Variants in HNRNPL observed in about 807,000 individuals in gnomAD.
The protein encoded by HNRNPL is heterogeneous nuclear ribonucleoprotein L.
Under a neutral mutation model 64.0 loss-of-function variants are expected in HNRNPL, and 12 were observed. The ratio of observed to expected loss-of-function variants is 0.19; its 90% CI spans 0.12 to 0.30. The LOEUF (loss-of-function observed/expected upper bound fraction) is 0.30. Ranked by LOEUF, HNRNPL falls within the 10% of genes least tolerant of loss-of-function variation. The probability of loss-of-function intolerance (pLI) is 1.00; values close to 1 mark genes in which losing one functional copy is unlikely to be tolerated. For missense variants in HNRNPL, 484 were observed against 797.4 expected (o/e 0.61, Z 4.73); for synonymous variants, 385 against 313.0 (o/e 1.23, Z -2.43).
chr19:38,843,815 T>G, intron 6 of HNRNPL, 27 bp downstream of exon 6: 1 of 1,593,668 alleles, frequency 6.3e-7, no homozygotes, highest in Non-Finnish European at 8.6e-7. Context: ...GCGGGTATGT[T>G]TAGAACAAAG....
At chr19:38,845,776 G>T (rs375843560) in intron 3 of HNRNPL, 41 bp from the exon 4 acceptor site, 13 of 1,599,148 alleles carry the variant, frequency 8.1e-6, no homozygotes, top group Non-Finnish European at 1.1e-5. Context: ...GGCACTGGCA[G>T]ATCAGTCTGG....
Position 38,843,860 on chromosome 19 carries a change from G to A in HNRNPL, c.862C>T (p.Pro288Ser). Reference protein sequence around the residue: ...NDQDTWDYTNPNLSGQGDPGS... With the variant: ...NDQDTWDYTNSNLSGQGDPGS... ...AGATTACCTTGTCCACTGAGATTGG[G>A]GTTTGTGTAGTCCCAAGTATCCTGA... Residue 288 changes from proline to serine, a missense_variant, in exon 6 of 13, where the codon CCC (proline) becomes TCC (serine). Physicochemically the swap from Pro to Ser is moderately conservative, Grantham distance 74. Transcript: ENST00000221419. 1.9e-6 allele frequency: 3 copies of A among 1,613,958 alleles called. No homozygotes were observed. The highest frequency in any genetic ancestry group is 2.5e-6 in the Non-Finnish European group (3 of 1,179,818).
chr19:38,841,841 G>A, intron 6 of HNRNPL: 1 of 390,954 alleles, frequency 2.6e-6, no homozygotes, highest in Non-Finnish European at 5.1e-6. Flanking sequence ...AAATAAAGGT[G>A]TATGAAGTGG....
intron 8 of HNRNPL, 195 bp from the exon 9 acceptor site, chr19:38,839,210 T>A: frequency 1.6e-6 from 1 of 609,980 alleles, no homozygotes; most frequent in South Asian, 2.0e-5. Context: ...GGCCATGTTT[T>A]TAACTGTGGG....
At chr19:38,850,775 C>T (rs1319609276), upstream of HNRNPL, among the ~76,000 whole-genome samples, 1 of 152,192 alleles carries the variant, frequency 6.6e-6, no homozygotes, top group Non-Finnish European at 1.5e-5. Context: ...GTTAAAATCC[C>T]AAATCTGAGC....
chr19:38,844,176 TAAGGACAAGGTAGC>T, intron 4 of HNRNPL, 72 bp from the exon 5 acceptor site: 1 of 969,456 alleles, frequency 1.0e-6, no homozygotes. Flanking sequence ...CAGAGTGTGA[TAAGGACAAGGTAGC>T]ACCCCAAGAC....
At chr19:38,848,625 G>A (rs997069850) in intron 1 of HNRNPL, among the ~76,000 whole-genome samples, 2 of 152,186 alleles carry the variant, frequency 1.3e-5, no homozygotes, top group Admixed American at 6.5e-5. Context: ...CGATCCACGC[G>A]AACCACAGGG....
intron 1 of HNRNPL, 109 bp from the exon 2 acceptor site, chr19:38,847,543 C>A (rs1972341094): frequency 3.6e-6 from 2 of 558,104 alleles, no homozygotes; most frequent in Non-Finnish European, 6.1e-6. Flanking sequence ...GGAGGTCATC[C>A]GTGAAGGATG....
intron 9 of HNRNPL, 113 bp from the exon 10 acceptor site, chr19:38,838,711 C>A: frequency 1.5e-6 from 2 of 1,315,526 alleles, no homozygotes. Flanking sequence ...CATTGCTCTA[C>A]ACCTGAGGCA....
At chr19:38,841,820 C>A in intron 6 of HNRNPL, 2 of 408,506 alleles carry the variant, frequency 4.9e-6, no homozygotes, top group Admixed American at 5.9e-5. Flanking sequence ...CAGAAGATAT[C>A]AGAAAAGTGG....
intron 10 of HNRNPL, among the ~76,000 whole-genome samples, chr19:38,838,160 T>C (rs1030811852): frequency 6.6e-6 from 1 of 152,158 alleles, no homozygotes; most frequent in East Asian, 1.9e-4. Context: ...TTGCCAAAAA[T>C]GTAAAAGGAA....
chr19:38,848,710 C>T (rs1478654998), intron 1 of HNRNPL, among the ~76,000 whole-genome samples: 1 of 152,216 alleles, frequency 6.6e-6, no homozygotes, highest in Non-Finnish European at 1.5e-5. Flanking sequence ...ACTAGCTGTG[C>T]CACCTACAGT....
intron 2 of HNRNPL, 134 bp downstream of exon 2, chr19:38,847,182 C>A (rs142190385): frequency 5.9e-6 from 3 of 508,798 alleles, no homozygotes; most frequent in Non-Finnish European, 1.1e-5. Flanking sequence ...AATGGCCAAC[C>A]CAAAAGCAGA....
In HNRNPL at chr19:38,838,122, T is replaced by C. The variant is rs150237825; in HGVS notation, c.1557+275A>G. Among the ~76,000 whole-genome samples the C allele has an allele frequency of 4.3e-4, 66 of 152,360 alleles. 1 individual carries two copies. The highest frequency in any genetic ancestry group is 1.4e-3 in the African/African-American group (57 of 41,590). On this transcript the variant is annotated intron_variant, in intron 10 of 12. Coordinates refer to ENST00000221419, the MANE Select transcript of HNRNPL (RefSeq NM_001533.3). ...CTCATCACTGGGCCTGTGAAGCAGC[T>C]TTCCCAGCAAACGAGCAGTTGCCCT...
chr19:38,837,463 A>C lies in HNRNPL; in HGVS notation c.1632T>G (p.Ser544=), dbSNP rs781236253. 3 of 1,614,244 alleles carry C rather than the reference A, an allele frequency of 1.9e-6. No individual in the cohort carries two copies. In the South Asian group the frequency reaches 3.3e-5, roughly 18 times the overall value. ...TCTTGGATTCCCACTCCAGCAGTCC[A>C]GAGGAGCTGCGCTCACCTGATTGCA... ...VFSGKSERSS[S]GLLEWESKSD... is the part of the protein sequence containing the mutation. Residue 544 remains serine, a synonymous_variant, in exon 12 of 13, where the codon TCT becomes TCG. Coordinates refer to ENST00000221419, the MANE Select transcript of HNRNPL (RefSeq NM_001533.3).
chr19:38,839,949 C>G, intron 8 of HNRNPL, 147 bp downstream of exon 8: 1 of 701,668 alleles, frequency 1.4e-6, no homozygotes, highest in East Asian at 2.5e-5. Context: ...CAAAACCCGT[C>G]TGCAAGCAGG....
intron 1 of HNRNPL, 124 bp from the exon 2 acceptor site, chr19:38,847,558 G>T: frequency 2.0e-6 from 1 of 491,944 alleles, no homozygotes; most frequent in South Asian, 4.9e-5. Flanking sequence ...AGGATGCACA[G>T]GAAAGACTAG....
At chr19:38,850,390 A>T (rs1972470589), upstream of HNRNPL, 1 of 171,704 alleles carries the variant, frequency 5.8e-6, no homozygotes, top group Middle Eastern at 2.6e-3. Context: ...CTTCGCAAGG[A>T]GACAAGGAAG....
rs151308132 is a variant in HNRNPL at position 38,837,430 on chromosome 19, G to A, written c.1665C>T (p.Ala555=). The change falls in exon 12 of 13, where the codon GCC becomes GCT. Residue 555 remains alanine (A), a synonymous_variant. Coordinates refer to ENST00000221419, the MANE Select transcript of HNRNPL (RefSeq NM_001533.3). ...GLLEWESKSD[A]LETLGFLNHY... ...GGTTCAGGAAGCCCAGAGTCTCCAGGGCATCGCTCTTGGATTCCCACTCCA... is the reference window on the plus strand; with the variant it reads ...GGTTCAGGAAGCCCAGAGTCTCCAGAGCATCGCTCTTGGATTCCCACTCCA... 357 of 1,614,212 alleles carry A rather than the reference G, an allele frequency of 2.2e-4. No homozygotes were observed. The highest frequency in any genetic ancestry group is 2.0e-3 in the Middle Eastern group (12 of 6,060).
Sources: allele counts gnomAD v4.1 joint callset (sites outside exome capture counted in the v4.1 genomes callset), GRCh38; gene constraint gnomAD v4.1.1; transcripts MANE v1.5; gene names NCBI Gene and HGNC (gene_info 2026-07-23, HGNC 2026-07-21).